RASAL1: variants seen among roughly 807,000 people sequenced by gnomAD.
The protein encoded by RASAL1 is RAS protein activator like 1.
Under a neutral mutation model 96.6 loss-of-function variants are expected in RASAL1, and 72 were observed. The observed-to-expected ratio is 0.75, with a 90% CI of 0.62 to 0.91. RASAL1 has a LOEUF of 0.91. Ranked by LOEUF, RASAL1 falls within the 40% of genes least tolerant of loss-of-function variation. The pLI is 0.00. For synonymous variants in RASAL1, 405 were observed against 430.4 expected (o/e 0.94, Z 0.73); for missense variants, 1,016 against 1,072.5 (o/e 0.95, Z 0.74).
At chr12:113,106,806 T>C (rs1310809272) in intron 15 of RASAL1, among the ~76,000 whole-genome samples, 1 of 152,240 alleles carries the variant, frequency 6.6e-6, no homozygotes, top group Non-Finnish European at 1.5e-5. Flanking sequence ...CACCTAGAAC[T>C]GTGCCTGTTA....
intron 13 of RASAL1, among the ~76,000 whole-genome samples, chr12:113,111,879 C>T (rs1950875223): frequency 6.6e-6 from 1 of 152,142 alleles, no homozygotes; most frequent in Non-Finnish European, 1.5e-5. Context: ...GGATTACAGG[C>T]GTGAGCCACT....
chr12:113,124,294 G>C (rs1281200361), intron 4 of RASAL1, among the ~76,000 whole-genome samples: 3 of 151,488 alleles, frequency 2.0e-5, no homozygotes, highest in Non-Finnish European at 4.4e-5. Context: ...GGATCTCACT[G>C]TTGTATAGCA....
intron 18 of RASAL1, chr12:113,103,223 A>G (rs1016561465): frequency 6.8e-6 from 1 of 146,954 alleles, no homozygotes; most frequent in Non-Finnish European, 1.5e-5. Context: ...ATTATTTTAT[A>G]TAATAACAAT....
intron 4 of RASAL1, among the ~76,000 whole-genome samples, chr12:113,123,803 G>A (rs1440880157): frequency 1.3e-5 from 2 of 151,926 alleles, no homozygotes; most frequent in South Asian, 4.2e-4. Flanking sequence ...GGCTGGTCTC[G>A]AACTCCTGAC....
chr12:113,122,011 C>A (rs1951312682), intron 4 of RASAL1, among the ~76,000 whole-genome samples: 2 of 152,170 alleles, frequency 1.3e-5, no homozygotes, highest in Admixed American at 1.3e-4. Flanking sequence ...GCATGAGCCA[C>A]TATGTCCTGC....
rs1289129115 is a variant in RASAL1 at position 113,115,616 on chromosome 12, G to T, written c.1003+19C>A. On this transcript the variant is annotated intron_variant, in intron 10 of 20. Coordinates refer to ENST00000548055, the MANE Select transcript of RASAL1 (RefSeq NM_001301202.2). This position sits in a 1 kb window ranked among gnomAD's most constrained non-coding sequence, Gnocchi z 4.1. The stretch of plus-strand genomic sequence containing the variant: ...CACCATTGAGGGCGGTGATGTCGGG[G>T]GTTGTGCGGGCAACTCACTGGTCCG... 3 of 1,611,174 alleles carry T rather than the reference G, an allele frequency of 1.9e-6. No individual in the cohort carries two copies. Among genetic ancestry groups the T allele is most frequent in the Admixed American group, 1.7e-5 (1 of 59,896 alleles).
chr12:113,102,958 C>T lies in RASAL1; in HGVS notation c.2105-949G>A, dbSNP rs189020549. On this transcript the variant is annotated intron_variant, in intron 18 of 20. Transcript: ENST00000548055. Reference sequence around the variant, plus strand: ...TACCCCCATCTCCCAGTTCTGTCTCCAATGCCGCTGCTTAACTTCTGCTCT... The same window carrying T: ...TACCCCCATCTCCCAGTTCTGTCTCTAATGCCGCTGCTTAACTTCTGCTCT... 470 of 176,524 alleles carry T rather than the reference C, an allele frequency of 2.7e-3. 4 individuals carry two copies. Among genetic ancestry groups the T allele is most frequent in the African/African-American group, 0.011 (442 of 41,930 alleles). The allele number at this position is 176,524 out of a possible 1,614,324, so 10.9% of individuals were successfully genotyped here.
rs1951648803 is a variant in RASAL1, at chr12:113,130,205, G to A, written c.122+680C>T. Among the ~76,000 whole-genome samples the A allele has an allele frequency of 1.3e-5, 2 of 152,186 alleles. No homozygotes were observed. The highest frequency in any genetic ancestry group is 6.5e-5 in the Admixed American group (1 of 15,290). On this transcript the variant is annotated intron_variant, in intron 2 of 20. Transcript: ENST00000548055. The surrounding 1 kb of genome is among the most constrained non-coding windows in gnomAD (Gnocchi z 5.1). ...GCTGTCCCTCGGCCTGCGGGGGTGG[G>A]AGCCAAGCAGGGCGCAGCCTGATAT... is the stretch of plus-strand genomic sequence containing the variant.
chr12:113,105,867 C>T lies in RASAL1; in HGVS notation c.1677G>A (p.Arg559=), dbSNP rs979592191. The part of the protein sequence containing the change: ...DGDEEAGVPA[R]ALFPPSAIVR... ...CAATGGCCGAGGGCGGGAACAGGGC[C>T]CTGGCTGGGACACCAGCTTCTAGGA... Residue 559 remains arginine (R), a synonymous_variant, in exon 16 of 21, where the codon AGG becomes AGA. Transcript: ENST00000548055. 5.0e-6 allele frequency: 8 copies of T among 1,613,610 alleles called. No individual in the cohort carries two copies. Among genetic ancestry groups the T allele is most frequent in the African/African-American group, 4.0e-5 (3 of 75,050 alleles).
At chr12:113,126,795 T>C (rs1951499981) in intron 4 of RASAL1, among the ~76,000 whole-genome samples, 1 of 151,906 alleles carries the variant, frequency 6.6e-6, no homozygotes, top group Non-Finnish European at 1.5e-5. Context: ...AATAATGTGA[T>C]CTTGAGCAAG....
chr12:113,103,317 A>C (rs1290974966), intron 18 of RASAL1, among the ~76,000 whole-genome samples: 1 of 151,748 alleles, frequency 6.6e-6, no homozygotes, highest in Non-Finnish European at 1.5e-5. Context: ...ACATTGTATT[A>C]ACAAAAGGCC....
chr12:113,101,604 T>C (rs1047778184), intron 19 of RASAL1, among the ~76,000 whole-genome samples: 1 of 152,122 alleles, frequency 6.6e-6, no homozygotes. Flanking sequence ...CAAGGTCATT[T>C]AGCAAGCGCA....
chr12:113,112,610 G>T (rs1182611877), intron 12 of RASAL1, among the ~76,000 whole-genome samples: 1 of 152,066 alleles, frequency 6.6e-6, no homozygotes, highest in Non-Finnish European at 1.5e-5. Flanking sequence ...CTGGAATATT[G>T]CAGGCCTCTC....
chr12:113,134,499 C>T (rs763924996), intron 1 of RASAL1, among the ~76,000 whole-genome samples: 9 of 152,182 alleles, frequency 5.9e-5, no homozygotes, highest in Non-Finnish European at 8.8e-5. Flanking sequence ...ATGGGGACTC[C>T]GGTCCAGAGC....
At position 113,119,185 on chromosome 12, in the gene RASAL1, T is replaced by G; in HGVS notation, c.585A>C (p.Pro195=). The part of the protein sequence containing the change: ...ELREMPGAPS[P]LRVELWDWDM... ...CCCAGTCCCAGAGCTCCACCCGCAG[T>G]GGGGACGGGGCACCTGGCATCTCCC... The change falls in exon 7 of 21, where the codon CCA becomes CCC. Residue 195 remains proline (P), a synonymous_variant. Transcript: ENST00000548055. The G allele has an allele frequency of 1.2e-6, 2 of 1,613,942 alleles. No homozygotes were observed. The highest frequency in any genetic ancestry group is 1.7e-6 in the Non-Finnish European group (2 of 1,179,882).
chr12:113,107,657 C>G, intron 14 of RASAL1: 1 of 394,242 alleles, frequency 2.5e-6, no homozygotes, highest in South Asian at 2.0e-5. Context: ...GACTCAACAC[C>G]TTCCTTGGGT....
chr12:113,101,613 C>T (rs1361923244), intron 19 of RASAL1, among the ~76,000 whole-genome samples: 1 of 143,558 alleles, frequency 7.0e-6, no homozygotes, highest in Non-Finnish European at 1.6e-5. Flanking sequence ...TTAGCAAGCG[C>T]AGGGGGCCAG....
rs193184132 is a variant in RASAL1 at position 113,132,290 on chromosome 12, C to T, written c.66-1349G>A. Among the ~76,000 whole-genome samples the T allele has an allele frequency of 5.3e-5, 8 of 152,202 alleles. No homozygotes were observed. The South Asian group carries it at 1.0e-3, about 20-fold the overall frequency. On this transcript the variant is annotated intron_variant, in intron 1 of 20. Transcript: ENST00000548055. ...AGCCGGCCTCCCTTATTTCTCTATG[C>T]GTTTAGTATTGTCTCCCCACCTCCC...
intron 18 of RASAL1, chr12:113,103,620 T>A (rs919632864): frequency 1.4e-5 from 4 of 291,880 alleles, no homozygotes; most frequent in South Asian, 6.5e-5. Context: ...AAAAAAAAAA[T>A]TATTGGGTTA....
Sources: allele counts gnomAD v4.1 joint callset (sites outside exome capture counted in the v4.1 genomes callset), GRCh38; gene constraint gnomAD v4.1.1; non-coding constraint Gnocchi (gnomAD v3.1); transcripts MANE v1.5; gene names NCBI Gene and HGNC (gene_info 2026-07-23, HGNC 2026-07-21).